The following ABCA13 variants were observed in gnomAD, a reference collection of about 807,000 sequenced individuals.
The protein encoded by ABCA13 is ATP binding cassette subfamily A member 13.
A neutral mutation model predicts 478.7 loss-of-function variants in ABCA13; 476 were observed. The observed-to-expected ratio is 0.99, with a 90% CI of 0.92 to 1.07. The LOEUF (loss-of-function observed/expected upper bound fraction) is 1.07, where lower values mean the gene tolerates loss of function less well. ABCA13 is among the 50% of genes least tolerant of loss of function. ABCA13 has a pLI of 0.00. For synonymous variants in ABCA13, 2,252 were observed against 2,158.9 expected, an observed-to-expected ratio of 1.04 and a Z score of -1.20; for missense variants, 6,060 against 5,910.6, an observed-to-expected ratio of 1.03 and a Z score of -0.83.
chr7:48,215,922 G>A (rs1372917974), intron 3 of ABCA13, among the ~76,000 whole-genome samples: 2 of 152,116 alleles, frequency 1.3e-5, no homozygotes, highest in African/African-American at 4.8e-5. Flanking sequence ...GTTCATTCAT[G>A]TTGTAGCATC....
chr7:48,569,490 C>T (rs755274179), intron 55 of ABCA13, among the ~76,000 whole-genome samples: 5 of 152,100 alleles, frequency 3.3e-5, no homozygotes, highest in Non-Finnish European at 5.9e-5. Context: ...TGTATGATTT[C>T]AGTCCTTTTC....
At chr7:48,189,259 T>G (rs1333809549) in intron 1 of ABCA13, among the ~76,000 whole-genome samples, 1 of 152,122 alleles carries the variant, frequency 6.6e-6, no homozygotes, top group Non-Finnish European at 1.5e-5. Context: ...TAAGCAAGAT[T>G]CGAGGATAAT....
At chr7:48,588,215 T>C (rs1172020206) in intron 57 of ABCA13, among the ~76,000 whole-genome samples, 1 of 152,250 alleles carries the variant, frequency 6.6e-6, no homozygotes, top group Non-Finnish European at 1.5e-5. Context: ...TTTTGCAATG[T>C]CCAAATTCCT....
chr7:48,300,008 C>T (rs1799930241), intron 23 of ABCA13, among the ~76,000 whole-genome samples: 1 of 152,188 alleles, frequency 6.6e-6, no homozygotes, highest in South Asian at 2.1e-4. Context: ...AGATTATTTG[C>T]TTTGATGGTT....
rs544493291 is a variant in ABCA13, at chr7:48,278,921, T to A, written c.7727T>A (p.Leu2576Ter). ...AATCTTGTGAAAGAAATAGCTACTT[T>A]AAAAAAAATAGATCATTTCACATTT... The part of the protein sequence containing the change: ...VQNLVKEIAT[L>*]KKIDHFTFEK... Residue 2576 changes from leucine to a stop codon, truncating the protein, a stop_gained, in exon 18 of 62, where the codon TTA becomes TAA. Coordinates refer to ENST00000435803, the MANE Select transcript of ABCA13 (RefSeq NM_152701.5). LOFTEE classifies it high-confidence loss of function. 2.7e-5 allele frequency: 44 copies of A among 1,612,812 alleles called. No individual in the cohort carries two copies. In the South Asian group the frequency reaches 3.1e-4, roughly 11 times the overall value.
chr7:48,642,676 T>G (rs1339997900), intron 59 of ABCA13, among the ~76,000 whole-genome samples: 1 of 152,170 alleles, frequency 6.6e-6, no homozygotes, highest in African/African-American at 2.4e-5. Context: ...CCTTAGGGTA[T>G]GAGTATGAGC....
At chr7:48,436,254 A>T (rs1822813282) in intron 42 of ABCA13, among the ~76,000 whole-genome samples, 1 of 151,746 alleles carries the variant, frequency 6.6e-6, no homozygotes, top group African/African-American at 2.4e-5. Context: ...ATTCAGTCTT[A>T]AAAGTTTGTG....
intron 59 of ABCA13, among the ~76,000 whole-genome samples, chr7:48,619,533 G>T (rs1792924851): frequency 1.3e-5 from 2 of 152,164 alleles, no homozygotes; most frequent in South Asian, 2.1e-4. Flanking sequence ...CCCAGCAAGG[G>T]CATGCAGAGG....
At chr7:48,397,849 A>G (rs999173188) in intron 38 of ABCA13, among the ~76,000 whole-genome samples, 1 of 152,212 alleles carries the variant, frequency 6.6e-6, no homozygotes, top group African/African-American at 2.4e-5. Context: ...ACCGAAGTCC[A>G]TTGTTAAAGT....
intron 55 of ABCA13, among the ~76,000 whole-genome samples, chr7:48,536,267 A>G (rs1833574035): frequency 6.6e-6 from 1 of 152,210 alleles, no homozygotes; most frequent in Non-Finnish European, 1.5e-5. Flanking sequence ...GAAATGATGG[A>G]TTGAAAATTA....
intron 41 of ABCA13, among the ~76,000 whole-genome samples, chr7:48,418,383 T>C (rs1364368218): frequency 2.6e-5 from 4 of 152,250 alleles, no homozygotes; most frequent in Non-Finnish European, 5.9e-5. Context: ...GCCATTCTAA[T>C]AGGTGTGTAG....
At chr7:48,533,089 G>A (rs189627043) in intron 55 of ABCA13, among the ~76,000 whole-genome samples, 86 of 152,012 alleles carry the variant, frequency 5.7e-4, no homozygotes, top group Non-Finnish European at 9.4e-4. Flanking sequence ...GTGACTTTAC[G>A]TTGGCTGTTT....
chr7:48,205,989 T>C (rs1784872451), intron 3 of ABCA13, among the ~76,000 whole-genome samples: 1 of 152,170 alleles, frequency 6.6e-6, no homozygotes, highest in Non-Finnish European at 1.5e-5. Context: ...TTCATTTTCC[T>C]CAGAATTCTC....
chr7:48,628,556 A>G lies in ABCA13; in HGVS notation c.14837+13179A>G, dbSNP rs369896692. ...CTGACTTCAGACTTTAAACATTAAC[A>G]TCCTTACTATTTGGGGCTTTCTGTC... is the stretch of plus-strand genomic sequence containing the variant. On this transcript the variant is annotated intron_variant, in intron 59 of 61. Coordinates refer to ENST00000435803, the MANE Select transcript of ABCA13 (RefSeq NM_152701.5). Among the ~76,000 whole-genome samples the G allele has an allele frequency of 1.4e-4, 21 of 152,288 alleles. No individual in the cohort carries two copies. The South Asian group carries it at 4.4e-3, about 32-fold the overall frequency.
chr7:48,188,519 T>G (rs1418595197), intron 1 of ABCA13, among the ~76,000 whole-genome samples: 1 of 152,170 alleles, frequency 6.6e-6, no homozygotes, highest in East Asian at 1.9e-4. Flanking sequence ...GAGTTGGGGT[T>G]GAAGTATGGT....
chr7:48,278,588 C>A lies in ABCA13; in HGVS notation c.7394C>A (p.Pro2465His), dbSNP rs368449779. ...CTTTTCTTTATAAATAATTCATTCCCTCTAAGAAACAGAGCAACATTAGAA... is the reference window on the plus strand; with the variant it reads ...CTTTTCTTTATAAATAATTCATTCCATCTAAGAAACAGAGCAACATTAGAA... ...DLLFFINNSF[P>H]LRNRATLEIT... Residue 2465 changes from proline (P) to histidine (H), a missense_variant, in exon 18 of 62, where the codon CCT becomes CAT. Coordinates refer to ENST00000435803, the MANE Select transcript of ABCA13 (RefSeq NM_152701.5). 6 of 1,613,728 alleles carry A rather than the reference C, an allele frequency of 3.7e-6. No individual in the cohort carries two copies. The highest frequency in any genetic ancestry group is 1.3e-5 in the African/African-American group (1 of 74,900).
At chr7:48,178,993 A>C (rs1562709491) in intron 1 of ABCA13, among the ~76,000 whole-genome samples, 1 of 147,424 alleles carries the variant, frequency 6.8e-6, no homozygotes, top group African/African-American at 2.5e-5. Context: ...AATAATAATA[A>C]TAATAATAAT....
chr7:48,403,922 G>A (rs1317909076), intron 39 of ABCA13, 43 bp downstream of exon 39: 1 of 1,581,206 alleles, frequency 6.3e-7, no homozygotes, highest in Admixed American at 1.8e-5. Context: ...CCACAATATT[G>A]TGTTGCAGGA....
At chr7:48,229,257 T>G (rs1788699221) in intron 6 of ABCA13, among the ~76,000 whole-genome samples, 1 of 152,050 alleles carries the variant, frequency 6.6e-6, no homozygotes, top group South Asian at 2.1e-4. Flanking sequence ...AAAATAAAAT[T>G]AATATGTATA....
Sources: allele counts gnomAD v4.1 joint callset (sites outside exome capture counted in the v4.1 genomes callset), GRCh38; gene constraint gnomAD v4.1.1; transcripts MANE v1.5; gene names NCBI Gene and HGNC (gene_info 2026-07-23, HGNC 2026-07-21).